SENP7: variants seen among roughly 807,000 people sequenced by gnomAD.
SENP7 encodes SUMO specific peptidase 7, also known as sentrin-specific protease 7.
A neutral mutation model predicts 141.2 loss-of-function variants in SENP7; 64 were observed. The ratio of observed to expected loss-of-function variants is 0.45; its 90% CI spans 0.37 to 0.56. The LOEUF (loss-of-function observed/expected upper bound fraction) is 0.56. Among genes scored for constraint, SENP7 ranks in the 20% least tolerant of loss-of-function variants. The pLI is 0.00. For missense variants in SENP7, 1,025 were observed against 1,212.2 expected (o/e 0.85, Z 2.29); for synonymous variants, 382 against 426.4 (o/e 0.90, Z 1.28).
intron 6 of SENP7, among the ~76,000 whole-genome samples, chr3:101,386,769 G>A (rs1347686754): frequency 1.3e-5 from 2 of 152,214 alleles, no homozygotes; most frequent in Non-Finnish European, 2.9e-5. Context: ...TGCCTGCCTA[G>A]GCACTAACAG....
chr3:101,409,307 A>C (rs2061389791), intron 5 of SENP7, among the ~76,000 whole-genome samples: 1 of 152,248 alleles, frequency 6.6e-6, no homozygotes, highest in Non-Finnish European at 1.5e-5. Flanking sequence ...AACAACTGGA[A>C]ACACATCCCA....
At chr3:101,449,061 G>A (rs141666834) in intron 4 of SENP7, among the ~76,000 whole-genome samples, 31 of 152,282 alleles carry the variant, frequency 2.0e-4, no homozygotes, top group East Asian at 1.7e-3. Context: ...ACCAAGGCAC[G>A]AGAAGTACGC....
Position 101,347,853 on chromosome 3 carries a change from G to A in SENP7, c.1837+19C>T, listed in dbSNP as rs369541671. ...CAATTTCAAGTTATCCTGAAATTTA[G>A]AAATCATTTTATACTCACATTGCTG... On this transcript the variant is annotated intron_variant, in intron 13 of 23. Transcript: ENST00000394095. 3.2e-6 allele frequency: 4 copies of A among 1,265,698 alleles called. No individual in the cohort carries two copies. Among genetic ancestry groups the A allele is most frequent in the Non-Finnish European group, 1.0e-6 (1 of 953,836 alleles). The allele number at this position is 1,265,698 out of a possible 1,614,324, so 78.4% of individuals were successfully genotyped here. A position where few individuals can be genotyped will look rare whatever the true frequency, so the allele number is the denominator to read the frequency against.
At chr3:101,378,867 A>T (rs2060414960) in intron 6 of SENP7, among the ~76,000 whole-genome samples, 1 of 152,194 alleles carries the variant, frequency 6.6e-6, no homozygotes, top group African/African-American at 2.4e-5. Context: ...TTTCTCAGAA[A>T]CCATGCAAGT....
intron 6 of SENP7, among the ~76,000 whole-genome samples, chr3:101,387,852 T>C (rs2060703908): frequency 1.3e-5 from 2 of 152,220 alleles, no homozygotes; most frequent in Non-Finnish European, 2.9e-5. Context: ...AGCACATGTA[T>C]TGTCAGGGGG....
intron 17 of SENP7, chr3:101,333,100 C>T (rs1447495610): frequency 6.9e-6 from 3 of 437,650 alleles, no homozygotes; most frequent in Non-Finnish European, 1.2e-5. Flanking sequence ...TTATTAAATG[C>T]TTTTCAGATT....
intron 6 of SENP7, among the ~76,000 whole-genome samples, chr3:101,381,170 G>A (rs4683894): frequency 0.4 from 60,391 of 151,980 alleles, 12,516 homozygotes; most frequent in Admixed American, 0.54. Context: ...GCTGATAATA[G>A]TCTATTTTTT....
intron 6 of SENP7, among the ~76,000 whole-genome samples, chr3:101,378,847 T>C (rs1285468137): frequency 6.6e-6 from 1 of 152,096 alleles, no homozygotes; most frequent in Admixed American, 6.5e-5. Context: ...AAGACAAGAA[T>C]TGTATCTCAT....
intron 3 of SENP7, among the ~76,000 whole-genome samples, chr3:101,467,830 C>T (rs533756329): frequency 1.4e-4 from 21 of 152,240 alleles, no homozygotes; most frequent in South Asian, 1.2e-3. Flanking sequence ...TCACCAGCAA[C>T]GGAACAAAGC....
intron 4 of SENP7, among the ~76,000 whole-genome samples, chr3:101,438,182 C>T (rs901405903): frequency 6.6e-6 from 1 of 152,062 alleles, no homozygotes; most frequent in East Asian, 1.9e-4. Context: ...TAAAGTAAAC[C>T]AAGTGCCCAC....
At chr3:101,487,081 A>G (rs976528324) in intron 3 of SENP7, among the ~76,000 whole-genome samples, 3 of 152,200 alleles carry the variant, frequency 2.0e-5, no homozygotes, top group African/African-American at 4.8e-5. Flanking sequence ...AATCCTAAAC[A>G]TATACACACC....
intron 6 of SENP7, among the ~76,000 whole-genome samples, chr3:101,398,416 T>C (rs1055059792): frequency 6.6e-6 from 1 of 152,080 alleles, no homozygotes; most frequent in South Asian, 2.1e-4. Flanking sequence ...GCCGAGATCA[T>C]GCCACTGCAC....
At chr3:101,498,154 CA>C (rs1378592963) in intron 2 of SENP7, among the ~76,000 whole-genome samples, 1 of 151,970 alleles carries the variant, frequency 6.6e-6, no homozygotes, top group Non-Finnish European at 1.5e-5. Context: ...AGAAAACCAC[CA>C]AAATACCACA....
At chr3:101,450,391 C>G (rs530987070) in intron 4 of SENP7, among the ~76,000 whole-genome samples, 81 of 152,310 alleles carry the variant, frequency 5.3e-4, no homozygotes, top group African/African-American at 1.9e-3. Context: ...ACTCTCCACC[C>G]CCAATCAACA....
chr3:101,327,188 G>C (rs978965275), intron 23 of SENP7, among the ~76,000 whole-genome samples: 4 of 151,878 alleles, frequency 2.6e-5, no homozygotes, highest in Non-Finnish European at 5.9e-5. Context: ...AAAAAATCTT[G>C]ATTACCTGTA....
intron 6 of SENP7, among the ~76,000 whole-genome samples, chr3:101,393,293 T>C (rs1381610008): frequency 6.6e-6 from 1 of 152,140 alleles, no homozygotes; most frequent in African/African-American, 2.4e-5. Context: ...ATTTTTTAGA[T>C]TTCACCCAAA....
intron 4 of SENP7, among the ~76,000 whole-genome samples, chr3:101,454,510 CAAAAGAAA>C (rs2063281366): frequency 1.3e-5 from 2 of 151,046 alleles, no homozygotes; most frequent in Non-Finnish European, 2.9e-5. Context: ...GACTCCATCT[CAAAAGAAA>C]AAAAGAAAAA....
chr3:101,387,742 G>A (rs1018938768), intron 6 of SENP7, among the ~76,000 whole-genome samples: 1 of 152,132 alleles, frequency 6.6e-6, no homozygotes, highest in Non-Finnish European at 1.5e-5. Flanking sequence ...GATTCTTCCG[G>A]GAGCCTGAAA....
chr3:101,426,919 C>T lies in SENP7; in HGVS notation c.285-9129G>A, dbSNP rs377005350. Among the ~76,000 whole-genome samples, 6 of 152,300 alleles carry T rather than the reference C, an allele frequency of 3.9e-5. 1 individual carries two copies. In the East Asian group the frequency reaches 5.8e-4, roughly 15 times the overall value. On this transcript the variant is annotated intron_variant, in intron 4 of 23. Transcript: ENST00000394095. The stretch of plus-strand genomic sequence containing the variant: ...GCCACTACAGAAACACACTGAAGTA[C>T]ACAGACCAGTGACACCATAAAGCAA...
Sources: allele counts gnomAD v4.1 joint callset (sites outside exome capture counted in the v4.1 genomes callset), GRCh38; gene constraint gnomAD v4.1.1; transcripts MANE v1.5; gene names NCBI Gene and HGNC (gene_info 2026-07-23, HGNC 2026-07-21).